The following STARD13 variants were observed in gnomAD, a reference collection of about 807,000 sequenced individuals.
The protein encoded by STARD13 is StAR related lipid transfer domain containing 13, also known as stAR-related lipid transfer protein 13.
In STARD13, 62 loss-of-function variants were observed where a neutral mutation model predicts 106.4. The observed-to-expected ratio is 0.58, with a 90% CI of 0.48 to 0.72. The LOEUF (loss-of-function observed/expected upper bound fraction) is 0.72, where lower values mean the gene tolerates loss of function less well. Among genes scored for constraint, STARD13 ranks in the 30% least tolerant of loss-of-function variants. The probability of loss-of-function intolerance (pLI) is 0.00; values close to 1 mark genes in which losing one functional copy is unlikely to be tolerated. For synonymous variants in STARD13, 565 were observed against 553.0 expected, an observed-to-expected ratio of 1.02 and a Z score of -0.31; for missense variants, 1,387 against 1,424.0, an observed-to-expected ratio of 0.97 and a Z score of 0.42.
chr13:33,380,760 G>A, the STARD13 span, among the ~76,000 whole-genome samples: 3 of 103,918 alleles, frequency 2.9e-5, no homozygotes, highest in African/African-American at 1.8e-4. Flanking sequence ...TGGGGCTCAG[G>A]CAGAGAGGTG....
At chr13:33,614,191 G>T in the STARD13 span, among the ~76,000 whole-genome samples, 3 of 152,110 alleles carry the variant, frequency 2.0e-5, no homozygotes, top group Non-Finnish European at 4.4e-5. Context: ...AACCAGCTCA[G>T]CTTGAAAACC....
intron 1 of STARD13, among the ~76,000 whole-genome samples, chr13:33,338,729 A>G (rs935058354): frequency 3.4e-4 from 51 of 151,838 alleles, no homozygotes; most frequent in Non-Finnish European, 4.1e-4. Context: ...CTAAAAATAC[A>G]AAAAATTAGC....
chr13:33,651,951 C>T, the STARD13 span, among the ~76,000 whole-genome samples: 1 of 152,068 alleles, frequency 6.6e-6, no homozygotes, highest in Non-Finnish European at 1.5e-5. Flanking sequence ...AGCTGTCTGG[C>T]GAATATCAAC....
chr13:33,340,856 A>G (rs2077952014), intron 1 of STARD13, among the ~76,000 whole-genome samples: 1 of 152,222 alleles, frequency 6.6e-6, no homozygotes, highest in Non-Finnish European at 1.5e-5. Context: ...TAGATGAGTT[A>G]AGTGATTTGG....
the STARD13 span, among the ~76,000 whole-genome samples, chr13:33,455,286 A>G: frequency 2.6e-5 from 4 of 152,216 alleles, no homozygotes; most frequent in African/African-American, 9.6e-5. Context: ...TGGAAAGTCT[A>G]TCCATTATCC....
In STARD13 at chr13:33,110,598, C is replaced by T. The variant is rs1332162338; in HGVS notation, c.2829+88G>A. The T allele has an allele frequency of 9.7e-6, 11 of 1,130,572 alleles. No homozygotes were observed. In the African/African-American group the frequency reaches 1.7e-4, roughly 17 times the overall value. The allele number at this position is 1,130,572 out of a possible 1,614,324, so 70.0% of individuals were successfully genotyped here. A position where few individuals can be genotyped will look rare whatever the true frequency, so the allele number is the denominator to read the frequency against. ...CCGCGTGTGTGCCAAGCCCTGTGGACACAGCAGCTGTTTTCAATGCAAAAA... is the reference window on the plus strand; with the variant it reads ...CCGCGTGTGTGCCAAGCCCTGTGGATACAGCAGCTGTTTTCAATGCAAAAA... On this transcript the variant is annotated intron_variant, in intron 11 of 13. Transcript: ENST00000336934.
At chr13:33,671,252 G>A in the STARD13 span, among the ~76,000 whole-genome samples, 1 of 152,134 alleles carries the variant, frequency 6.6e-6, no homozygotes, top group African/African-American at 2.4e-5. Context: ...AACAGTTGAT[G>A]GATTGCTTTA....
chr13:33,418,485 T>G, the STARD13 span, among the ~76,000 whole-genome samples: 1 of 152,154 alleles, frequency 6.6e-6, no homozygotes. Flanking sequence ...GCCTACAACC[T>G]CTATGGACTC....
chr13:33,188,790 G>A (rs1227874773), intron 1 of STARD13, among the ~76,000 whole-genome samples: 2 of 152,208 alleles, frequency 1.3e-5, no homozygotes, highest in East Asian at 1.9e-4. Flanking sequence ...CTGACCAGAT[G>A]GGTACAATTT....
At chr13:33,265,604 A>T (rs1327803681) in intron 1 of STARD13, among the ~76,000 whole-genome samples, 3 of 152,216 alleles carry the variant, frequency 2.0e-5, no homozygotes, top group East Asian at 3.8e-4. Context: ...AGTTCAAGCA[A>T]CTATAATGTT....
the STARD13 span, among the ~76,000 whole-genome samples, chr13:33,605,331 C>T: frequency 6.6e-6 from 1 of 151,412 alleles, no homozygotes; most frequent in Non-Finnish European, 1.5e-5. Flanking sequence ...GATCCTCCTG[C>T]CTCAGCCTCC....
the STARD13 span, among the ~76,000 whole-genome samples, chr13:33,542,209 A>G: frequency 6.6e-6 from 1 of 152,288 alleles, no homozygotes; most frequent in East Asian, 1.9e-4. Context: ...TTCTCAGAAT[A>G]AACACTGAAA....
chr13:33,662,025 G>A, the STARD13 span, among the ~76,000 whole-genome samples: 1 of 152,060 alleles, frequency 6.6e-6, no homozygotes, highest in Non-Finnish European at 1.5e-5. Context: ...CACTCTGGGA[G>A]GCCGAGGTGG....
At chr13:33,294,028 T>C (rs760106585) in intron 1 of STARD13, among the ~76,000 whole-genome samples, 1 of 152,200 alleles carries the variant, frequency 6.6e-6, no homozygotes, top group Non-Finnish European at 1.5e-5. Flanking sequence ...GTGACAAAAG[T>C]ATATGCTTTG....
chr13:33,616,872 T>A, the STARD13 span, among the ~76,000 whole-genome samples: 17 of 152,066 alleles, frequency 1.1e-4, no homozygotes, highest in Admixed American at 1.1e-3. Context: ...AAAGGACAGG[T>A]CGGGAAAAGT....
chr13:33,105,569 G>A lies in STARD13; in HGVS notation c.*24C>T, dbSNP rs1873577302. ...GTCACTTTAGCTTCCTCTTCCCTGAGTTTGATGTCACACTGGGCAAAACTC... is the reference window on the plus strand; with the variant it reads ...GTCACTTTAGCTTCCTCTTCCCTGAATTTGATGTCACACTGGGCAAAACTC... On this transcript the variant is annotated 3_prime_UTR_variant, in exon 14 of 14. Coordinates refer to ENST00000336934, the MANE Select transcript of STARD13 (RefSeq NM_178006.4). 2 of 1,523,726 alleles carry A rather than the reference G, an allele frequency of 1.3e-6. No homozygotes were observed. The highest frequency in any genetic ancestry group is 2.2e-5 in the East Asian group (1 of 44,466). The allele number at this position is 1,523,726 out of a possible 1,614,324, so 94.4% of individuals were successfully genotyped here.
the STARD13 span, among the ~76,000 whole-genome samples, chr13:33,509,071 ACT>A: frequency 6.6e-6 from 1 of 152,182 alleles, no homozygotes; most frequent in East Asian, 1.9e-4. Flanking sequence ...CCATAGATGC[ACT>A]CTGTTGTTGA....
the STARD13 span, among the ~76,000 whole-genome samples, chr13:33,670,574 A>G: frequency 6.6e-6 from 1 of 152,146 alleles, no homozygotes; most frequent in Non-Finnish European, 1.5e-5. Flanking sequence ...CATTATTCCA[A>G]CCTGTTAAGA....
the STARD13 span, among the ~76,000 whole-genome samples, chr13:33,444,701 G>A: frequency 6.6e-6 from 1 of 152,148 alleles, no homozygotes; most frequent in East Asian, 1.9e-4. Flanking sequence ...CCCAGAAGTT[G>A]AGGCTGCAGT....
Sources: allele counts gnomAD v4.1 joint callset (sites outside exome capture counted in the v4.1 genomes callset), GRCh38; gene constraint gnomAD v4.1.1; transcripts MANE v1.5; gene names NCBI Gene and HGNC (gene_info 2026-07-23, HGNC 2026-07-21).